PRKACB: variants seen among roughly 807,000 people sequenced by gnomAD.
The protein encoded by PRKACB is cAMP-dependent protein kinase catalytic subunit beta.
PRKACB carries 16 observed loss-of-function variants against 51.4 expected under a neutral mutation model. That is an observed-to-expected ratio of 0.31 (90% confidence interval 0.21 to 0.47). The LOEUF (loss-of-function observed/expected upper bound fraction) is 0.47. PRKACB is among the 20% of genes least tolerant of loss of function. The probability of loss-of-function intolerance (pLI) is 1.00; values close to 1 mark genes in which losing one functional copy is unlikely to be tolerated. For missense variants in PRKACB, 309 were observed against 464.5 expected, an observed-to-expected ratio of 0.67 and a Z score of 3.08; for synonymous variants, 147 against 154.4, an observed-to-expected ratio of 0.95 and a Z score of 0.35.
chr1:84,219,167 G>A (rs575361167), intron 9 of PRKACB, among the ~76,000 whole-genome samples: 5 of 148,542 alleles, frequency 3.4e-5, no homozygotes, highest in African/African-American at 1.2e-4. Flanking sequence ...GCCTATTTTT[G>A]TTTTTGTTGC....
At chr1:84,179,024 G>A in intron 1 of PRKACB, 153 bp from the exon 2 acceptor site, 1 of 852,102 alleles carries the variant, frequency 1.2e-6, no homozygotes, top group Non-Finnish European at 1.7e-6. Flanking sequence ...ATACTAAATA[G>A]CTCTTTAATG....
chr1:84,234,830 G>A lies in PRKACB; in HGVS notation c.1072-350G>A, dbSNP rs2101731238. On this transcript the variant is annotated intron_variant, in intron 9 of 9. Transcript: ENST00000370685. ...CCCACTGTCTGGCACTCCCTAGTGA[G>A]ATGAACCTGGTACCTCAGATGGAAA... Among the ~76,000 whole-genome samples, 4 of 152,340 alleles carry A rather than the reference G, an allele frequency of 2.6e-5. No individual in the cohort carries two copies. In the South Asian group the frequency reaches 8.3e-4, roughly 32 times the overall value.
intron 8 of PRKACB, 60 bp from the exon 9 acceptor site, chr1:84,214,093 C>T: frequency 7.0e-7 from 1 of 1,429,362 alleles, no homozygotes; most frequent in Non-Finnish European, 9.2e-7. Context: ...TTTATGAAAT[C>T]AAAACAGAAA....
chr1:84,182,135 A>C (rs1310959909), intron 2 of PRKACB, 65 bp from the exon 3 acceptor site: 49 of 1,151,518 alleles, frequency 4.3e-5, no homozygotes, highest in Non-Finnish European at 5.5e-5. Context: ...GTATTATTAA[A>C]GCATTTATAA....
intron 1 of PRKACB, among the ~76,000 whole-genome samples, chr1:84,080,615 T>C (rs1647456707): frequency 1.3e-5 from 2 of 152,214 alleles, no homozygotes; most frequent in African/African-American, 4.8e-5. Context: ...TGCTGTTCTG[T>C]AGTGAACAAA....
At chr1:84,159,869 A>G (rs1558046284) in intron 1 of PRKACB, among the ~76,000 whole-genome samples, 1 of 152,118 alleles carries the variant, frequency 6.6e-6, no homozygotes, top group South Asian at 2.1e-4. Flanking sequence ...TATTAATATA[A>G]CATAGTTCGT....
At chr1:84,168,960 T>C (rs1019934831) in intron 1 of PRKACB, among the ~76,000 whole-genome samples, 4 of 151,530 alleles carry the variant, frequency 2.6e-5, no homozygotes, top group African/African-American at 9.7e-5. Flanking sequence ...TGAAGGTCAC[T>C]GGATTACTTA....
intron 9 of PRKACB, among the ~76,000 whole-genome samples, chr1:84,219,191 G>A (rs888994662): frequency 1.3e-5 from 2 of 150,356 alleles, no homozygotes; most frequent in African/African-American, 2.4e-5. Flanking sequence ...TACTTTTCAG[G>A]ACTTAGCCAT....
rs80016766 is a variant in PRKACB at position 84,155,603 on chromosome 1, G to A, written c.187+11055G>A. 9.4e-3 allele frequency among the ~76,000 whole-genome samples: 1,433 copies of A among 152,308 alleles called. 30 individuals carry two copies. Among genetic ancestry groups the A allele is most frequent in the African/African-American group, 0.032 (1,341 of 41,582 alleles). On this transcript the variant is annotated intron_variant, in intron 1 of 9. Coordinates refer to ENST00000370685, the MANE Select transcript of PRKACB (RefSeq NM_182948.4). ...TTTTTCCACTGTTAAAAATTGGTCAGTGAGTAATAGCAGATGATCTGAGAG... is the reference window on the plus strand; with the variant it reads ...TTTTTCCACTGTTAAAAATTGGTCAATGAGTAATAGCAGATGATCTGAGAG...
chr1:84,085,894 A>C, intron 1 of PRKACB: 1 of 642,916 alleles, frequency 1.6e-6, no homozygotes, highest in Non-Finnish European at 2.9e-6. Flanking sequence ...AGCCCAGACC[A>C]TATACACCAC....
intron 9 of PRKACB, 126 bp from the exon 10 acceptor site, chr1:84,235,054 A>G: frequency 1.0e-6 from 1 of 981,000 alleles, no homozygotes; most frequent in Non-Finnish European, 1.5e-6. Context: ...ATTATATTTT[A>G]GGAACCTAAT....
chr1:84,133,573 G>C (rs1319158218), intron 1 of PRKACB, among the ~76,000 whole-genome samples: 1 of 152,182 alleles, frequency 6.6e-6, no homozygotes, highest in Non-Finnish European at 1.5e-5. Context: ...GCTGGTGCTG[G>C]AGCTAGTTGG....
At chr1:84,135,739 T>C (rs891185687) in intron 1 of PRKACB, among the ~76,000 whole-genome samples, 45 of 149,468 alleles carry the variant, frequency 3.0e-4, no homozygotes, top group Non-Finnish European at 4.4e-5. Context: ...AGTTTATCAA[T>C]TTTTTTTTGC....
At chr1:84,137,588 T>C (rs1258545488) in intron 1 of PRKACB, among the ~76,000 whole-genome samples, 1 of 152,186 alleles carries the variant, frequency 6.6e-6, no homozygotes, top group African/African-American at 2.4e-5. Flanking sequence ...AGTACAAATG[T>C]ATGAAACAAC....
intron 1 of PRKACB, among the ~76,000 whole-genome samples, chr1:84,088,786 C>T (rs143572645): frequency 6.6e-6 from 1 of 152,130 alleles, no homozygotes; most frequent in Admixed American, 6.5e-5. Context: ...AGGCACTATG[C>T]TAGTCTGTAG....
intron 1 of PRKACB, among the ~76,000 whole-genome samples, chr1:84,132,330 G>A (rs1328875083): frequency 1.3e-5 from 2 of 152,132 alleles, no homozygotes; most frequent in African/African-American, 4.8e-5. Context: ...CAATGGATGA[G>A]ACAAACATAA....
intron 1 of PRKACB, among the ~76,000 whole-genome samples, chr1:84,087,083 CAT>C (rs1486567237): frequency 6.6e-6 from 1 of 152,216 alleles, no homozygotes; most frequent in African/African-American, 2.4e-5. Context: ...GGAAATAAAA[CAT>C]GAAACATTCT....
At chr1:84,094,060 G>T (rs1490108563) in intron 1 of PRKACB, among the ~76,000 whole-genome samples, 1 of 151,902 alleles carries the variant, frequency 6.6e-6, no homozygotes, top group Non-Finnish European at 1.5e-5. Flanking sequence ...GACAGTGTAA[G>T]TTTTTTCCTT....
At chr1:84,141,961 G>A (rs1234985059), upstream of PRKACB, among the ~76,000 whole-genome samples, 1 of 149,218 alleles carries the variant, frequency 6.7e-6, no homozygotes, top group African/African-American at 2.5e-5. Flanking sequence ...ATAGAAAAAA[G>A]GAGAAGTTCA....
Sources: allele counts gnomAD v4.1 joint callset (sites outside exome capture counted in the v4.1 genomes callset), GRCh38; gene constraint gnomAD v4.1.1; transcripts MANE v1.5; gene names NCBI Gene and HGNC (gene_info 2026-07-23, HGNC 2026-07-21).